CCBE1: variants seen among roughly 807,000 people sequenced by gnomAD.
The protein encoded by CCBE1 is collagen and calcium-binding EGF domain-containing protein 1.
CCBE1 carries 37 observed loss-of-function variants against 50.0 expected under a neutral mutation model. The ratio of observed to expected loss-of-function variants is 0.74; its 90% CI spans 0.57 to 0.97. CCBE1 has a LOEUF of 0.97. Among genes scored for constraint, CCBE1 ranks in the 50% least tolerant of loss-of-function variants. The pLI, the probability that CCBE1 is intolerant of heterozygous loss-of-function variation, is 0.00. For synonymous variants in CCBE1, 234 were observed against 203.7 expected (o/e 1.15, Z -1.27); for missense variants, 538 against 523.8 (o/e 1.03, Z -0.26).
At chr18:59,460,843 G>A (rs983504348) in intron 5 of CCBE1, among the ~76,000 whole-genome samples, 3 of 152,050 alleles carry the variant, frequency 2.0e-5, no homozygotes, top group African/African-American at 7.2e-5. Context: ...GCTGAGGGAT[G>A]GGAATCGCTT....
At chr18:59,606,996 G>T (rs1350135471) in intron 2 of CCBE1, among the ~76,000 whole-genome samples, 7 of 150,960 alleles carry the variant, frequency 4.6e-5, no homozygotes, top group Non-Finnish European at 8.8e-5. Flanking sequence ...CCAGTGACCG[G>T]TGCAGGGCCT....
intron 2 of CCBE1, among the ~76,000 whole-genome samples, chr18:59,574,090 C>A (rs2052955602): frequency 6.6e-6 from 1 of 152,186 alleles, no homozygotes; most frequent in Admixed American, 6.5e-5. Flanking sequence ...CTAAAAAAGG[C>A]TACACCCAGG....
intron 2 of CCBE1, among the ~76,000 whole-genome samples, chr18:59,535,290 G>A (rs1915205065): frequency 6.6e-6 from 1 of 152,148 alleles, no homozygotes. Context: ...TACTGAAGGG[G>A]AGGCACTTTT....
At chr18:59,621,865 C>A (rs528489772) in intron 2 of CCBE1, among the ~76,000 whole-genome samples, 1 of 152,206 alleles carries the variant, frequency 6.6e-6, no homozygotes, top group Non-Finnish European at 1.5e-5. Context: ...TAACTCCACT[C>A]GGGAGCCTGC....
chr18:59,635,758 A>T (rs2053908001), intron 2 of CCBE1, among the ~76,000 whole-genome samples: 1 of 152,130 alleles, frequency 6.6e-6, no homozygotes, highest in Non-Finnish European at 1.5e-5. Context: ...AGCTCAAGAT[A>T]GGAAAGTAAA....
intron 2 of CCBE1, among the ~76,000 whole-genome samples, chr18:59,588,234 T>C (rs1185126489): frequency 4.6e-5 from 7 of 152,178 alleles, no homozygotes; most frequent in African/African-American, 1.2e-4. Flanking sequence ...ATTTCTGACA[T>C]GTGTGCAGAC....
intron 2 of CCBE1, among the ~76,000 whole-genome samples, chr18:59,498,824 T>C (rs1913478063): frequency 6.6e-6 from 1 of 152,222 alleles, no homozygotes; most frequent in South Asian, 2.1e-4. Flanking sequence ...TGCATTTCTA[T>C]TTCATGTGGT....
At chr18:59,547,073 G>GGGACAGAGGA (rs1488759473) in intron 2 of CCBE1, among the ~76,000 whole-genome samples, 1 of 120,360 alleles carries the variant, frequency 8.3e-6, no homozygotes, top group Admixed American at 7.8e-5. Context: ...GGGAGAGAGG[G>GGGACAGAGGA]GGAGAGAAAG....
At chr18:59,631,240 G>A (rs937054902) in intron 2 of CCBE1, among the ~76,000 whole-genome samples, 12 of 151,972 alleles carry the variant, frequency 7.9e-5, no homozygotes, top group African/African-American at 2.9e-4. Context: ...GAAGGATAGC[G>A]AGAGGGGAGC....
At position 59,667,491 on chromosome 18, in the gene CCBE1, A is replaced by C. The variant is rs2054372824; in HGVS notation, c.212+29138T>G. 2.6e-5 allele frequency among the ~76,000 whole-genome samples: 4 copies of C among 152,122 alleles called. No individual in the cohort carries two copies. In the East Asian group the frequency reaches 7.7e-4, roughly 29 times the overall value. On this transcript the variant is annotated intron_variant, in intron 2 of 10. Coordinates refer to ENST00000439986, the MANE Select transcript of CCBE1 (RefSeq NM_133459.4). ...AACAGCAGGAAACTGCTACCCCATC[A>C]CCTGAAGGGGTAAGGGGAAAGAGCC...
At chr18:59,567,829 G>T (rs1194243932) in intron 2 of CCBE1, among the ~76,000 whole-genome samples, 1 of 152,198 alleles carries the variant, frequency 6.6e-6, no homozygotes, top group Non-Finnish European at 1.5e-5. Context: ...ACAGTGTGCA[G>T]ATTTAAAGCA....
chr18:59,681,068 G>C (rs1301977817), intron 2 of CCBE1, among the ~76,000 whole-genome samples: 1 of 150,338 alleles, frequency 6.7e-6, no homozygotes, highest in African/African-American at 2.4e-5. Flanking sequence ...AAAAAAAAAG[G>C]AAAGCTGTTT....
At chr18:59,593,512 T>C (rs550217424) in intron 2 of CCBE1, among the ~76,000 whole-genome samples, 3 of 152,372 alleles carry the variant, frequency 2.0e-5, no homozygotes, top group African/African-American at 7.2e-5. Context: ...ATTATCTCCA[T>C]TGCCATCCTC....
At chr18:59,680,548 A>G (rs1181528564) in intron 2 of CCBE1, among the ~76,000 whole-genome samples, 1 of 151,712 alleles carries the variant, frequency 6.6e-6, no homozygotes, top group Non-Finnish European at 1.5e-5. Context: ...AACACAAAAA[A>G]TTAGCCGGGC....
chr18:59,449,188 GT>G (rs1439174220), intron 6 of CCBE1, among the ~76,000 whole-genome samples: 1 of 152,130 alleles, frequency 6.6e-6, no homozygotes, highest in South Asian at 2.1e-4. Flanking sequence ...GGGATCTTGG[GT>G]AAGCTACACA....
chr18:59,537,729 C>T (rs989507255), intron 2 of CCBE1, among the ~76,000 whole-genome samples: 4 of 152,192 alleles, frequency 2.6e-5, no homozygotes, highest in Admixed American at 2.6e-4. Context: ...TGTGTCACCT[C>T]AAAAGGAATT....
At chr18:59,595,529 C>T (rs1178579979) in intron 2 of CCBE1, among the ~76,000 whole-genome samples, 1 of 152,156 alleles carries the variant, frequency 6.6e-6, no homozygotes, top group Non-Finnish European at 1.5e-5. Flanking sequence ...CCCCTTTTAC[C>T]ATCACCATTA....
chr18:59,621,462 T>C (rs2053709219), intron 2 of CCBE1, among the ~76,000 whole-genome samples: 1 of 152,240 alleles, frequency 6.6e-6, no homozygotes, highest in South Asian at 2.1e-4. Context: ...ATGAGATTCC[T>C]GAGCCATTCC....
chr18:59,464,688 C>T (rs2143713014), intron 5 of CCBE1, among the ~76,000 whole-genome samples: 1 of 152,322 alleles, frequency 6.6e-6, no homozygotes, highest in Non-Finnish European at 1.5e-5. Flanking sequence ...TGACTCAGCC[C>T]AGTTGCTTGT....
Sources: allele counts gnomAD v4.1 joint callset (sites outside exome capture counted in the v4.1 genomes callset), GRCh38; gene constraint gnomAD v4.1.1; transcripts MANE v1.5; gene names NCBI Gene and HGNC (gene_info 2026-07-23, HGNC 2026-07-21).